Variants in GNAQ observed in about 807,000 individuals in gnomAD.
GNAQ encodes guanine nucleotide-binding protein G(q) subunit alpha.
Under a neutral mutation model 43.9 loss-of-function variants are expected in GNAQ, and 8 were observed. That is an observed-to-expected ratio of 0.18 (90% confidence interval 0.11 to 0.33). The LOEUF (loss-of-function observed/expected upper bound fraction) is 0.33. Among genes scored for constraint, GNAQ ranks in the 10% least tolerant of loss-of-function variants. The pLI, the probability that GNAQ is intolerant of heterozygous loss-of-function variation, is 1.00. For synonymous variants in GNAQ, 155 were observed against 170.7 expected, an observed-to-expected ratio of 0.91 and a Z score of 0.71; for missense variants, 158 against 450.8, an observed-to-expected ratio of 0.35 and a Z score of 5.88.
At chr9:77,746,713 T>A (rs1825736227) in intron 5 of GNAQ, among the ~76,000 whole-genome samples, 1 of 152,104 alleles carries the variant, frequency 6.6e-6, no homozygotes, top group Non-Finnish European at 1.5e-5. Flanking sequence ...ATATAACTGT[T>A]GAAAGGATGG....
At chr9:77,743,762 GA>G (rs1230926694) in intron 5 of GNAQ, among the ~76,000 whole-genome samples, 1 of 152,052 alleles carries the variant, frequency 6.6e-6, no homozygotes, top group Non-Finnish European at 1.5e-5. Flanking sequence ...AAAAACATCT[GA>G]AATTCCCCAA....
intron 1 of GNAQ, among the ~76,000 whole-genome samples, chr9:77,927,584 AAG>A (rs1829088176): frequency 6.6e-6 from 1 of 152,074 alleles, no homozygotes; most frequent in Non-Finnish European, 1.5e-5. Context: ...GAAGAAAAAA[AAG>A]GGGGTGGGGG....
chr9:77,985,664 A>G (rs952198524), intron 1 of GNAQ, among the ~76,000 whole-genome samples: 1 of 152,052 alleles, frequency 6.6e-6, no homozygotes, highest in African/African-American at 2.4e-5. Context: ...GGCTTACTGC[A>G]ATCTCTCTGC....
At chr9:77,980,646 G>C (rs952380635) in intron 1 of GNAQ, among the ~76,000 whole-genome samples, 3 of 148,962 alleles carry the variant, frequency 2.0e-5, no homozygotes, top group African/African-American at 7.5e-5. Flanking sequence ...AATTCCAAAA[G>C]ATACCACTTT....
Position 77,766,125 on chromosome 9 carries a change from T to G in GNAQ, c.735+28338A>C, listed in dbSNP as rs550935698. Among the ~76,000 whole-genome samples, 15 of 152,340 alleles carry G rather than the reference T, an allele frequency of 9.8e-5. No individual in the cohort carries two copies. The East Asian group carries it at 2.1e-3, about 22-fold the overall frequency. ...TTTCAGTTTGAGAAGATGAAAGTTC[T>G]GACGATCCATGTAGTGATACCTGCA... On this transcript the variant is annotated intron_variant, in intron 5 of 6. Coordinates refer to ENST00000286548, the MANE Select transcript of GNAQ (RefSeq NM_002072.5).
chr9:77,827,268 A>G (rs867877598), intron 2 of GNAQ, among the ~76,000 whole-genome samples: 2 of 151,410 alleles, frequency 1.3e-5, no homozygotes, highest in Non-Finnish European at 2.9e-5. Context: ...TTTACCAGAC[A>G]GCATATCCAC....
chr9:77,897,489 G>C (rs1828522848), intron 2 of GNAQ, among the ~76,000 whole-genome samples: 1 of 152,156 alleles, frequency 6.6e-6, no homozygotes, highest in Non-Finnish European at 1.5e-5. Context: ...GCCACCAGGG[G>C]CAGCACAATG....
intron 6 of GNAQ, among the ~76,000 whole-genome samples, chr9:77,726,961 T>C (rs1389353417): frequency 6.6e-6 from 1 of 152,214 alleles, no homozygotes; most frequent in South Asian, 2.1e-4. Flanking sequence ...TCTGCTGTTA[T>C]GGTGTGAAAG....
At chr9:77,819,691 C>A (rs752814720) in intron 2 of GNAQ, among the ~76,000 whole-genome samples, 2 of 151,678 alleles carry the variant, frequency 1.3e-5, no homozygotes, top group Non-Finnish European at 2.9e-5. Flanking sequence ...TGAACTGCAG[C>A]ACACATCTTC....
At chr9:77,978,475 T>C (rs1823330086) in intron 1 of GNAQ, among the ~76,000 whole-genome samples, 1 of 152,236 alleles carries the variant, frequency 6.6e-6, no homozygotes, top group Admixed American at 6.5e-5. Flanking sequence ...CTGTCTGCTC[T>C]TTCACTCCCT....
chr9:77,777,638 A>AT, intron 5 of GNAQ, among the ~76,000 whole-genome samples: 1 of 152,186 alleles, frequency 6.6e-6, no homozygotes, highest in Non-Finnish European at 1.5e-5. Flanking sequence ...CAACTCAACA[A>AT]TAAAAACACA....
chr9:77,777,275 C>A (rs1277847654), intron 5 of GNAQ, among the ~76,000 whole-genome samples: 2 of 152,016 alleles, frequency 1.3e-5, no homozygotes, highest in Non-Finnish European at 2.9e-5. Flanking sequence ...TATGATAGTG[C>A]AAATGCAATA....
chr9:77,867,606 C>T (rs912293949), intron 2 of GNAQ, among the ~76,000 whole-genome samples: 1 of 152,118 alleles, frequency 6.6e-6, no homozygotes, highest in African/African-American at 2.4e-5. Flanking sequence ...TAAAGTCAAG[C>T]AGAAGGAGAG....
At chr9:77,997,060 A>G (rs934584239) in intron 1 of GNAQ, among the ~76,000 whole-genome samples, 2 of 152,232 alleles carry the variant, frequency 1.3e-5, no homozygotes, top group Non-Finnish European at 2.9e-5. Context: ...CAAATAAGGC[A>G]GCTGAGCTTG....
At chr9:78,030,967 G>T in intron 1 of GNAQ, 133 bp downstream of exon 1, 1 of 496,022 alleles carries the variant, frequency 2.0e-6, no homozygotes, top group Non-Finnish European at 3.1e-6. Flanking sequence ...GGCAGTGGCC[G>T]GGGGCGCGCC....
intron 1 of GNAQ, among the ~76,000 whole-genome samples, chr9:77,977,478 TTGTTCAACCCACAGGCATTCAGAG>T (rs1823316464): frequency 6.6e-6 from 1 of 151,318 alleles, no homozygotes; most frequent in African/African-American, 2.4e-5. Flanking sequence ...GCAGCTACCA[TTGTTCAACCCACAGGCATTCAGAG>T]TGTTCATACA....
intron 2 of GNAQ, among the ~76,000 whole-genome samples, chr9:77,865,159 C>T (rs762657094): frequency 1.6e-4 from 24 of 152,202 alleles, no homozygotes; most frequent in Non-Finnish European, 2.9e-4. Flanking sequence ...CAGCTCACTC[C>T]GCTCTTCCAT....
At position 78,003,797 on chromosome 9, in the gene GNAQ, T is replaced by C. The variant is rs549701071; in HGVS notation, c.136+27303A>G. 3.4e-5 allele frequency among the ~76,000 whole-genome samples: 5 copies of C among 148,018 alleles called. No homozygotes were observed. In the East Asian group the frequency reaches 9.9e-4, roughly 29 times the overall value. ...CGTCATTGCACTCCATTCTGGGCTT[T>C]AGAGCAAGACTGTCTAAAAAAAAAA... On this transcript the variant is annotated intron_variant, in intron 1 of 6. Coordinates refer to ENST00000286548, the MANE Select transcript of GNAQ (RefSeq NM_002072.5).
chr9:77,731,240 G>A (rs1825482865), intron 5 of GNAQ, among the ~76,000 whole-genome samples: 1 of 152,136 alleles, frequency 6.6e-6, no homozygotes, highest in Non-Finnish European at 1.5e-5. Context: ...CAGGGAGGGT[G>A]AGCCTGACTT....
Sources: allele counts gnomAD v4.1 joint callset (sites outside exome capture counted in the v4.1 genomes callset), GRCh38; gene constraint gnomAD v4.1.1; transcripts MANE v1.5; gene names NCBI Gene and HGNC (gene_info 2026-07-23, HGNC 2026-07-21).